KHDRBS2: variants seen among roughly 807,000 people sequenced by gnomAD.
KHDRBS2 encodes KH RNA binding domain containing, signal transduction associated 2.
KHDRBS2 carries 26 observed loss-of-function variants against 44.3 expected under a neutral mutation model. That is an observed-to-expected ratio of 0.59 (90% confidence interval 0.43 to 0.81). The LOEUF (loss-of-function observed/expected upper bound fraction) is 0.81. KHDRBS2 is among the 40% of genes least tolerant of loss of function. The probability of loss-of-function intolerance (pLI) is 0.00; values close to 1 mark genes in which losing one functional copy is unlikely to be tolerated. For synonymous variants in KHDRBS2, 194 were observed against 151.1 expected (o/e 1.28, Z -2.08); for missense variants, 476 against 433.1 (o/e 1.10, Z -0.88).
At chr6:62,114,470 C>T (rs772750819) in intron 2 of KHDRBS2, among the ~76,000 whole-genome samples, 8 of 151,940 alleles carry the variant, frequency 5.3e-5, no homozygotes, top group Admixed American at 2.0e-4. Flanking sequence ...ATTTGAGAAA[C>T]GGAACAGAAT....
intron 1 of KHDRBS2, among the ~76,000 whole-genome samples, chr6:62,205,984 T>A (rs1271674799): frequency 1.3e-5 from 2 of 152,084 alleles, no homozygotes; most frequent in African/African-American, 4.8e-5. Flanking sequence ...TGAATTTTAG[T>A]TGAAGAGAAG....
At chr6:61,670,593 A>G in the KHDRBS2 span, among the ~76,000 whole-genome samples, 1 of 151,518 alleles carries the variant, frequency 6.6e-6, no homozygotes, top group African/African-American at 2.4e-5. Flanking sequence ...AGATATTTAA[A>G]ACTGCCTTCA....
Position 61,962,780 on chromosome 6 carries a change from C to A in KHDRBS2, c.483+15286G>T, listed in dbSNP as rs114571646. 5.1e-3 allele frequency among the ~76,000 whole-genome samples: 769 copies of A among 152,026 alleles called. 7 individuals are homozygous for A. Among genetic ancestry groups the A allele is most frequent in the African/African-American group, 0.017 (720 of 41,462 alleles). ...TAGGCCAGGCCACTCCTAGGGGTGA[C>A]AATAAAATATCATGTGAATTTTATA... On this transcript the variant is annotated intron_variant, in intron 4 of 8. Transcript: ENST00000281156.
At chr6:61,639,102 GT>G in the KHDRBS2 span, among the ~76,000 whole-genome samples, 1 of 152,054 alleles carries the variant, frequency 6.6e-6, no homozygotes, top group African/African-American at 2.4e-5. Flanking sequence ...TACATAAACA[GT>G]TTTTTAAGTT....
intron 6 of KHDRBS2, among the ~76,000 whole-genome samples, chr6:61,776,531 G>C (rs1265287998): frequency 6.6e-6 from 1 of 152,172 alleles, no homozygotes; most frequent in African/African-American, 2.4e-5. Flanking sequence ...AAGAACACAT[G>C]AAAAAATGCT....
the KHDRBS2 span, among the ~76,000 whole-genome samples, chr6:61,657,578 C>A: frequency 6.6e-6 from 1 of 151,840 alleles, no homozygotes; most frequent in Non-Finnish European, 1.5e-5. Context: ...AAAACAGTGA[C>A]AAAACAAACG....
At chr6:62,189,132 A>G (rs1585124021) in intron 1 of KHDRBS2, among the ~76,000 whole-genome samples, 1 of 147,112 alleles carries the variant, frequency 6.8e-6, no homozygotes, top group Non-Finnish European at 1.5e-5. Flanking sequence ...AACAAAAAAC[A>G]AAAAAAAAAG....
chr6:61,819,693 A>G (rs1789570589), intron 6 of KHDRBS2, among the ~76,000 whole-genome samples: 1 of 152,050 alleles, frequency 6.6e-6, no homozygotes, highest in Admixed American at 6.6e-5. Flanking sequence ...CAAATTTTCC[A>G]TTTCCTAGCA....
intron 2 of KHDRBS2, among the ~76,000 whole-genome samples, chr6:62,096,263 T>TTTG (rs750360174): frequency 2.0e-5 from 3 of 151,958 alleles, no homozygotes; most frequent in Non-Finnish European, 4.4e-5. Flanking sequence ...GTTTCAGTTT[T>TTTG]TTGTTGTTGT....
chr6:61,747,307 C>T (rs1321595068), intron 6 of KHDRBS2, among the ~76,000 whole-genome samples: 21 of 152,106 alleles, frequency 1.4e-4, no homozygotes, highest in Admixed American at 1.4e-3. Flanking sequence ...AAATCAACAT[C>T]CCATAATGAT....
At chr6:62,129,154 A>T (rs985725881) in intron 2 of KHDRBS2, among the ~76,000 whole-genome samples, 7 of 152,106 alleles carry the variant, frequency 4.6e-5, no homozygotes, top group African/African-American at 1.7e-4. Flanking sequence ...ACTTTTCTAT[A>T]TTTTATGGAT....
At chr6:62,279,317 T>C (rs1035499283) in intron 1 of KHDRBS2, among the ~76,000 whole-genome samples, 7 of 152,188 alleles carry the variant, frequency 4.6e-5, no homozygotes, top group African/African-American at 1.7e-4. Flanking sequence ...TTTTGAATTA[T>C]GCAAAGATAA....
chr6:61,935,773 C>T (rs1047077544), intron 4 of KHDRBS2, among the ~76,000 whole-genome samples: 2 of 152,030 alleles, frequency 1.3e-5, no homozygotes, highest in African/African-American at 2.4e-5. Flanking sequence ...TAAGATAAAA[C>T]CCATTTATTT....
rs578210915 is a variant in KHDRBS2, at chr6:61,998,435, T to C, written c.337-20223A>G. Among the ~76,000 whole-genome samples the C allele has an allele frequency of 1.0e-3, 155 of 152,242 alleles. 2 individuals carry two copies. The Middle Eastern group carries it at 0.014, about 13-fold the overall frequency. On this transcript the variant is annotated intron_variant, in intron 3 of 8. Coordinates refer to ENST00000281156, the MANE Select transcript of KHDRBS2 (RefSeq NM_152688.4). ...GCAAAATGAGATTTTCATTTTGTCA[T>C]AATATCTACATTTTGGTTTTAATTA...
At chr6:61,730,399 A>T (rs1774255781) in intron 7 of KHDRBS2, among the ~76,000 whole-genome samples, 1 of 152,088 alleles carries the variant, frequency 6.6e-6, no homozygotes, top group South Asian at 2.1e-4. Context: ...ACATTCACAT[A>T]CTCAACAATT....
At chr6:61,729,545 C>G (rs2127559523) in intron 7 of KHDRBS2, among the ~76,000 whole-genome samples, 1 of 152,294 alleles carries the variant, frequency 6.6e-6, no homozygotes, top group East Asian at 1.9e-4. Context: ...TACAGTTTTA[C>G]ATCCCTATCA....
chr6:62,131,685 C>A (rs1453288055), intron 2 of KHDRBS2, among the ~76,000 whole-genome samples: 2 of 152,128 alleles, frequency 1.3e-5, no homozygotes, highest in African/African-American at 4.8e-5. Context: ...TCCTAATTGG[C>A]TGAACCCAAC....
intron 2 of KHDRBS2, among the ~76,000 whole-genome samples, chr6:62,130,961 C>A (rs1810157805): frequency 1.3e-5 from 2 of 151,944 alleles, no homozygotes; most frequent in African/African-American, 4.8e-5. Flanking sequence ...CAAACCATTG[C>A]AAGTTAAGGA....
the KHDRBS2 span, among the ~76,000 whole-genome samples, chr6:61,564,868 TATC>T: frequency 6.6e-6 from 1 of 151,978 alleles, no homozygotes; most frequent in Admixed American, 6.6e-5. Context: ...AAGATGGAAA[TATC>T]ATATTACCTG....
Sources: allele counts gnomAD v4.1 joint callset (sites outside exome capture counted in the v4.1 genomes callset), GRCh38; gene constraint gnomAD v4.1.1; transcripts MANE v1.5; gene names NCBI Gene and HGNC (gene_info 2026-07-23, HGNC 2026-07-21).